The following ASCC3 variants were observed in gnomAD, a reference collection of about 807,000 sequenced individuals.
ASCC3 encodes ASC-1 complex subunit P200.
Under a neutral mutation model 256.3 loss-of-function variants are expected in ASCC3, and 158 were observed. The observed-to-expected ratio is 0.62, with a 90% CI of 0.54 to 0.70. The LOEUF is 0.70. ASCC3 is among the 30% of genes least tolerant of loss of function. ASCC3 has a pLI of 0.00. For synonymous variants in ASCC3, 948 were observed against 883.4 expected (o/e 1.07, Z -1.30); for missense variants, 2,259 against 2,626.0 (o/e 0.86, Z 3.05).
At chr6:100,761,771 T>C (rs747180496) in intron 10 of ASCC3, among the ~76,000 whole-genome samples, 1 of 152,086 alleles carries the variant, frequency 6.6e-6, no homozygotes, top group South Asian at 2.1e-4. Context: ...GCTAGTAAAG[T>C]AGCTTGAAAT....
intron 10 of ASCC3, among the ~76,000 whole-genome samples, chr6:100,739,606 A>G (rs1190386600): frequency 6.6e-6 from 1 of 152,088 alleles, no homozygotes; most frequent in Non-Finnish European, 1.5e-5. Context: ...TACCACCTCT[A>G]TTTCAGAACT....
intron 37 of ASCC3, 64 bp downstream of exon 37, chr6:100,540,099 T>C (rs764130801): frequency 1.1e-5 from 16 of 1,449,000 alleles, no homozygotes; most frequent in Non-Finnish European, 1.5e-5. Flanking sequence ...ATCCTAAAAC[T>C]AGAAAAAAGA....
Position 100,510,126 on chromosome 6 carries a change from G to C in ASCC3, c.6286-19C>G. On this transcript the variant is annotated intron_variant, in intron 40 of 41. Transcript: ENST00000369162. ...GCTTTCCCTGTAAACCAGAAAAAAA[G>C]ATACAACATTAAAAATATCTAGACT... 6.8e-6 allele frequency: 11 copies of C among 1,613,788 alleles called. No homozygotes were observed. The highest frequency in any genetic ancestry group is 9.3e-6 in the Non-Finnish European group (11 of 1,179,802).
At chr6:100,541,819 A>G (rs1775477706) in intron 36 of ASCC3, among the ~76,000 whole-genome samples, 1 of 152,230 alleles carries the variant, frequency 6.6e-6, no homozygotes, top group African/African-American at 2.4e-5. Flanking sequence ...TTAGCAGACA[A>G]AACAGTTGTT....
intron 36 of ASCC3, among the ~76,000 whole-genome samples, chr6:100,551,961 T>A (rs940626889): frequency 1.3e-5 from 2 of 151,784 alleles, no homozygotes; most frequent in African/African-American, 4.8e-5. Context: ...ATCTGGGAAT[T>A]GATACAATAG....
chr6:100,848,277 C>T lies in ASCC3; in HGVS notation c.672G>A (p.Trp224Ter), dbSNP rs1297744140. The change falls in exon 4 of 42, where the codon TGG (tryptophan) becomes TGA (stop). Residue 224 changes from tryptophan (W) to a stop codon, truncating the protein, a stop_gained. Coordinates refer to ENST00000369162, the MANE Select transcript of ASCC3 (RefSeq NM_006828.4). LOFTEE classifies it high-confidence loss of function. ...PVEKTNGSFL[W>*]CEVEKYLNST... is the part of the protein sequence containing the mutation. ...AATTTAGGTACTTTTCAACTTCACA[C>T]CACAAAAAGGAGCCATTTGTTTTTT... 2.5e-5 allele frequency: 40 copies of T among 1,613,960 alleles called. No homozygotes were observed. Among genetic ancestry groups the T allele is most frequent in the Non-Finnish European group, 3.3e-5 (39 of 1,180,012 alleles).
rs770055838 is a variant in ASCC3 at position 100,867,955 on chromosome 6, T to G, written c.43A>C (p.Asn15His). The G allele has an allele frequency of 1.9e-6, 3 of 1,613,832 alleles. No individual in the cohort carries two copies. Among genetic ancestry groups the G allele is most frequent in the South Asian group, 1.1e-5 (1 of 91,056 alleles). Residue 15 changes from asparagine (N) to histidine (H), a missense_variant, in exon 2 of 42, where the codon AAT becomes CAT. Physicochemically the swap from Asn to His is moderately conservative, Grantham distance 68. Coordinates refer to ENST00000369162, the MANE Select transcript of ASCC3 (RefSeq NM_006828.4). ...TTATAATTATCTTGCTTGGTGACAT[T>G]TGAAAAGGAACGCAAGGCTCCTGTG... Reference protein sequence around the residue: ...RLTGALRSFSNVTKQDNYNEE... With the variant: ...RLTGALRSFSHVTKQDNYNEE...
intron 30 of ASCC3, among the ~76,000 whole-genome samples, chr6:100,609,172 A>G (rs1773264285): frequency 6.6e-6 from 1 of 151,922 alleles, no homozygotes; most frequent in Non-Finnish European, 1.5e-5. Context: ...TTGCTTAGAA[A>G]ACTTTTCCTA....
intron 13 of ASCC3, among the ~76,000 whole-genome samples, chr6:100,712,999 C>T (rs903175744): frequency 6.6e-5 from 10 of 151,980 alleles, no homozygotes; most frequent in Non-Finnish European, 1.5e-4. Context: ...ACCTCGTGAT[C>T]CACCTGCCTC....
At chr6:100,620,394 C>T (rs1773891226) in intron 30 of ASCC3, among the ~76,000 whole-genome samples, 1 of 152,122 alleles carries the variant, frequency 6.6e-6, no homozygotes, top group Non-Finnish European at 1.5e-5. Context: ...ATCAATGATA[C>T]ACTTGAAGGT....
intron 8 of ASCC3, among the ~76,000 whole-genome samples, chr6:100,781,987 T>C (rs1022202064): frequency 6.6e-6 from 1 of 152,084 alleles, no homozygotes; most frequent in African/African-American, 2.4e-5. Context: ...GCTATTATTT[T>C]AAAATATCAT....
rs201555489 is a variant in ASCC3, at chr6:100,831,324, TA to T, written c.801+16823del. 4.1e-3 allele frequency among the ~76,000 whole-genome samples: 571 copies of T among 140,814 alleles called. 4 individuals carry two copies. Among genetic ancestry groups the T allele is most frequent in the African/African-American group, 0.01 (395 of 38,604 alleles). 92.4% of individuals were successfully genotyped at this position (140,814 alleles called of 152,430 possible). The stretch of plus-strand genomic sequence containing the variant: ...CATACTTTAATGCAACTCTTCTGGT[TA>T]AAAAAAAAAAGGAAAAAAAACAAAC... On this transcript the variant is annotated intron_variant, in intron 4 of 41. Coordinates refer to ENST00000369162, the MANE Select transcript of ASCC3 (RefSeq NM_006828.4).
chr6:100,539,164 A>C (rs529088831), intron 37 of ASCC3, among the ~76,000 whole-genome samples: 25 of 152,302 alleles, frequency 1.6e-4, no homozygotes, highest in African/African-American at 6.0e-4. Flanking sequence ...AACCTGCTCA[A>C]ACCACCATCA....
chr6:100,546,471 T>A (rs976100048), intron 36 of ASCC3, among the ~76,000 whole-genome samples: 5 of 152,126 alleles, frequency 3.3e-5, no homozygotes, highest in Non-Finnish European at 7.4e-5. Flanking sequence ...TATTTTTTTT[T>A]ATAGTTTAAT....
chr6:100,801,018 T>C (rs540800338), intron 5 of ASCC3, among the ~76,000 whole-genome samples: 2 of 152,142 alleles, frequency 1.3e-5, no homozygotes, highest in East Asian at 3.9e-4. Context: ...TCAAGACATA[T>C]TTGAGACAAT....
chr6:100,580,616 T>C (rs1771172614), intron 36 of ASCC3, among the ~76,000 whole-genome samples: 1 of 151,996 alleles, frequency 6.6e-6, no homozygotes, highest in Non-Finnish European at 1.5e-5. Flanking sequence ...AGTTTTAGGG[T>C]ACATGTGCAC....
At chr6:100,600,665 G>A (rs1772561374) in intron 34 of ASCC3, among the ~76,000 whole-genome samples, 1 of 151,836 alleles carries the variant, frequency 6.6e-6, no homozygotes, top group African/African-American at 2.4e-5. Flanking sequence ...ACTTTACAAT[G>A]GTTTAATATT....
chr6:100,542,828 T>C (rs189981852), intron 36 of ASCC3, among the ~76,000 whole-genome samples: 1 of 152,116 alleles, frequency 6.6e-6, no homozygotes, highest in Non-Finnish European at 1.5e-5. Flanking sequence ...TTAAAGTCAT[T>C]GTTCAGGCAG....
chr6:100,582,179 T>G (rs1771320113), intron 36 of ASCC3, among the ~76,000 whole-genome samples: 1 of 152,096 alleles, frequency 6.6e-6, no homozygotes, highest in South Asian at 2.1e-4. Context: ...CCTTGGGCAG[T>G]ATGGCCATTA....
Sources: allele counts gnomAD v4.1 joint callset (sites outside exome capture counted in the v4.1 genomes callset), GRCh38; gene constraint gnomAD v4.1.1; transcripts MANE v1.5; gene names NCBI Gene and HGNC (gene_info 2026-07-23, HGNC 2026-07-21).